EFHC1: variants seen among roughly 807,000 people sequenced by gnomAD.
EFHC1 encodes the protein EF-hand domain-containing protein 1.
Under a neutral mutation model 69.9 loss-of-function variants are expected in EFHC1, and 53 were observed. That is an observed-to-expected ratio of 0.76 (90% confidence interval 0.61 to 0.95). EFHC1 has a LOEUF of 0.95. Among genes scored for constraint, EFHC1 ranks in the 40% least tolerant of loss-of-function variants. The pLI, the probability that EFHC1 is intolerant of heterozygous loss-of-function variation, is 0.00. For missense variants in EFHC1, 739 were observed against 798.7 expected (o/e 0.93, Z 0.90); for synonymous variants, 256 against 278.4 (o/e 0.92, Z 0.80).
intron 2 of EFHC1, among the ~76,000 whole-genome samples, chr6:52,433,708 G>A (rs530812635): frequency 1.1e-4 from 17 of 152,136 alleles, no homozygotes; most frequent in Non-Finnish European, 2.5e-4. Flanking sequence ...AGTATGGGGG[G>A]AACAGGCAGT....
At chr6:52,458,422 A>G (rs539799067) in intron 5 of EFHC1, among the ~76,000 whole-genome samples, 163 of 152,366 alleles carry the variant, frequency 1.1e-3, no homozygotes, top group Non-Finnish European at 2.0e-3. Context: ...AATGTCTAAT[A>G]TCCAGAATCT....
chr6:52,453,627 A>G (rs1490556741), intron 4 of EFHC1: 1 of 1,214,736 alleles, frequency 8.2e-7, no homozygotes. Context: ...CTAGCCAAAA[A>G]AAAAAAAAAA....
rs145102896 is a variant in EFHC1, at chr6:52,424,145, C to T, written c.263C>T (p.Ala88Val). 2.5e-5 allele frequency: 41 copies of T among 1,613,874 alleles called. No individual in the cohort carries two copies. Among genetic ancestry groups the T allele is most frequent in the African/African-American group, 5.3e-5 (4 of 74,916 alleles). ...KQAPPADFIP[A>V]HVAFDKKVLK... is the part of the protein sequence containing the mutation. ...GCCCCACCTGCGGATTTTATTCCTG[C>T]GCATGTGGCCTTTGACAAAAAGGTA... Residue 88 changes from alanine (A) to valine (V), a missense_variant, in exon 2 of 11, where the codon GCG (alanine) becomes GTG (valine). Transcript: ENST00000371068.
intron 2 of EFHC1, among the ~76,000 whole-genome samples, chr6:52,426,874 C>T (rs1420490125): frequency 6.6e-6 from 1 of 152,180 alleles, no homozygotes; most frequent in Non-Finnish European, 1.5e-5. Flanking sequence ...GTTTTAGTCT[C>T]ATTCCTAGTC....
At chr6:52,475,758 G>A (rs1294094956) in intron 7 of EFHC1, among the ~76,000 whole-genome samples, 1 of 152,156 alleles carries the variant, frequency 6.6e-6, no homozygotes, top group Non-Finnish European at 1.5e-5. Context: ...GGACTACTCT[G>A]GGCTAGATAT....
chr6:52,457,951 G>A (rs1765080528), intron 5 of EFHC1, among the ~76,000 whole-genome samples: 1 of 152,182 alleles, frequency 6.6e-6, no homozygotes, highest in Admixed American at 6.5e-5. Context: ...AGGCAATGGA[G>A]ATCTGAAACT....
rs1234557357 is a variant in EFHC1, at chr6:52,464,875, C to T, written c.917-20C>T. 7 of 1,604,922 alleles carry T rather than the reference C, an allele frequency of 4.4e-6. No individual in the cohort carries two copies. In the East Asian group the frequency reaches 1.3e-4, roughly 31 times the overall value. On this transcript the variant is annotated intron_variant, in intron 5 of 10. Transcript: ENST00000371068. ...ACACTCATTCCTTCTTTTTTTCTCT[C>T]TAACACCATCTTATATTAGAGAACT...
In EFHC1 at chr6:52,493,821, ATC is replaced by A. The variant is rs886061636; in HGVS notation, c.*1483_*1484del. On this transcript the variant is annotated 3_prime_UTR_variant, in exon 11 of 11. Coordinates refer to ENST00000371068, the MANE Select transcript of EFHC1 (RefSeq NM_018100.4). The stretch of plus-strand genomic sequence containing the variant: ...CACTAAGTTCATCTTTAAACATGCT[ATC>A]TCAAATTCCCCGAAGCCACCCAAAA... The A allele has an allele frequency of 3.9e-4, 179 of 454,038 alleles. 1 individual carries two copies. In the Middle Eastern group the frequency reaches 5.5e-3, roughly 14 times the overall value. 28.1% of individuals were successfully genotyped at this position (454,038 alleles called of 1,614,324 possible). A position where few individuals can be genotyped will look rare whatever the true frequency, so the allele number is the denominator to read the frequency against.
At chr6:52,445,678 C>T (rs574638947) in intron 3 of EFHC1, among the ~76,000 whole-genome samples, 27 of 152,210 alleles carry the variant, frequency 1.8e-4, no homozygotes, top group Non-Finnish European at 3.5e-4. Flanking sequence ...ATCTTACCTG[C>T]TTTCTCTTGT....
intron 9 of EFHC1, among the ~76,000 whole-genome samples, chr6:52,480,323 C>A (rs1284295830): frequency 6.6e-6 from 1 of 152,112 alleles, no homozygotes; most frequent in Non-Finnish European, 1.5e-5. Flanking sequence ...TTTGCTGTCT[C>A]AAGGGTGGCA....
chr6:52,496,700 G>A lies in EFHC1; in HGVS notation c.*4359G>A, dbSNP rs1007809988. 6.6e-6 allele frequency: 1 copy of A among 152,094 alleles called. No individual in the cohort carries two copies. The highest frequency in any genetic ancestry group is 2.4e-5 in the African/African-American group (1 of 41,386). The allele number at this position is 152,094 out of a possible 1,614,324, so 9.4% of individuals were successfully genotyped here. Reference sequence around the variant, plus strand: ...TTGACACAGATGCACAAAAAGACTCGGAAGGGTTAACTGCTTGAGTTCACC... The same window carrying A: ...TTGACACAGATGCACAAAAAGACTCAGAAGGGTTAACTGCTTGAGTTCACC... On this transcript the variant is annotated 3_prime_UTR_variant, in exon 11 of 11. Transcript: ENST00000371068.
chr6:52,443,430 T>G (rs1038879460), intron 3 of EFHC1, among the ~76,000 whole-genome samples: 12 of 152,198 alleles, frequency 7.9e-5, no homozygotes, highest in African/African-American at 2.4e-4. Flanking sequence ...GGTCTAACAT[T>G]TAAGTCTTTA....
intron 9 of EFHC1, among the ~76,000 whole-genome samples, chr6:52,480,750 G>T (rs1018984523): frequency 6.6e-6 from 1 of 152,150 alleles, no homozygotes; most frequent in Non-Finnish European, 1.5e-5. Flanking sequence ...GCATGCAAAG[G>T]CCCTAAATAC....
Position 52,464,924 on chromosome 6 carries a change from T to G in EFHC1, c.946T>G (p.Ser316Ala), listed in dbSNP as rs144708524. The change falls in exon 6 of 11, where the codon TCT becomes GCT. Residue 316 changes from serine (S) to alanine (A), a missense_variant. Coordinates refer to ENST00000371068, the MANE Select transcript of EFHC1 (RefSeq NM_018100.4). ...CTTCCCTCAGTGTGTGCTAGAAATC[T>G]CTGACCAAGAAGTGTTGGAATGGTA... is the stretch of plus-strand genomic sequence containing the variant. ...KNFPQCVLEI[S>A]DQEVLEWYTA... 2.5e-6 allele frequency: 4 copies of G among 1,614,038 alleles called. No individual in the cohort carries two copies. The African/African-American group carries it at 5.3e-5, about 22-fold the overall frequency.
chr6:52,420,901 G>A, intron 1 of EFHC1: 1 of 568,672 alleles, frequency 1.8e-6, no homozygotes, highest in Non-Finnish European at 2.5e-6. Flanking sequence ...GTCCATCGCC[G>A]CCCTTAAAAC....
intron 2 of EFHC1, among the ~76,000 whole-genome samples, chr6:52,428,619 C>A (rs145699879): frequency 6.6e-6 from 1 of 152,260 alleles, no homozygotes; most frequent in African/African-American, 2.4e-5. Context: ...CATATTTTTG[C>A]AGTTGCAAAT....
At chr6:52,445,715 C>T (rs1016535495) in intron 3 of EFHC1, among the ~76,000 whole-genome samples, 2 of 152,200 alleles carry the variant, frequency 1.3e-5, no homozygotes, top group African/African-American at 4.8e-5. Flanking sequence ...AAATTTCCTT[C>T]TACACACTGC....
chr6:52,430,467 G>A (rs907283648), intron 2 of EFHC1: 29 of 152,120 alleles, frequency 1.9e-4, no homozygotes, highest in African/African-American at 5.8e-4. Flanking sequence ...TGAGATGATC[G>A]TGTGATTTTT....
At chr6:52,459,120 G>A (rs1765106505) in intron 5 of EFHC1, among the ~76,000 whole-genome samples, 1 of 152,184 alleles carries the variant, frequency 6.6e-6, no homozygotes. Context: ...ATCAGGTACT[G>A]TGTTCACTAT....
Sources: allele counts gnomAD v4.1 joint callset (sites outside exome capture counted in the v4.1 genomes callset), GRCh38; gene constraint gnomAD v4.1.1; transcripts MANE v1.5; gene names NCBI Gene and HGNC (gene_info 2026-07-23, HGNC 2026-07-21).